CFAP92: variants seen among roughly 807,000 people sequenced by gnomAD.
CFAP92 encodes uncharacterized protein CFAP92.
CFAP92 carries 86 observed loss-of-function variants against 106.3 expected under a neutral mutation model. The ratio of observed to expected loss-of-function variants is 0.81; its 90% CI spans 0.68 to 0.97. The LOEUF is 0.97. Ranked by LOEUF, CFAP92 falls within the 50% of genes least tolerant of loss-of-function variation. The pLI, the probability that CFAP92 is intolerant of heterozygous loss-of-function variation, is 0.00. For missense variants in CFAP92, 1,204 were observed against 1,283.8 expected, an observed-to-expected ratio of 0.94 and a Z score of 0.95; for synonymous variants, 477 against 506.4, an observed-to-expected ratio of 0.94 and a Z score of 0.78.
Position 128,935,328 on chromosome 3 carries a change from G to A in CFAP92, c.2259-9C>T, listed in dbSNP as rs539638151. On this transcript the variant is annotated splice_polypyrimidine_tract_variant and intron_variant, in intron 10 of 15. Coordinates refer to ENST00000645291, the MANE Select transcript of CFAP92 (RefSeq NM_001394090.1). ...GTTCTGACCTGGGAATCCTGCAAGAGACAGAAGGCCAAGAGCTAACTTGCA... is the reference window on the plus strand; with the variant it reads ...GTTCTGACCTGGGAATCCTGCAAGAAACAGAAGGCCAAGAGCTAACTTGCA... 59 of 1,490,406 alleles carry A rather than the reference G, an allele frequency of 4.0e-5. No homozygotes were observed. The African/African-American group carries it at 7.5e-4, about 19-fold the overall frequency. The allele number at this position is 1,490,406 out of a possible 1,614,324, so 92.3% of individuals were successfully genotyped here.
At chr3:128,978,969 C>T (rs1420389621) in intron 4 of CFAP92, among the ~76,000 whole-genome samples, 1 of 152,126 alleles carries the variant, frequency 6.6e-6, no homozygotes, top group Non-Finnish European at 1.5e-5. Flanking sequence ...TCTAATTAAA[C>T]TAAAGAGCTT....
intron 12 of CFAP92, among the ~76,000 whole-genome samples, chr3:128,923,526 G>A (rs562107269): frequency 6.6e-6 from 1 of 152,336 alleles, no homozygotes; most frequent in African/African-American, 2.4e-5. Context: ...AGAAGTTGCA[G>A]AAGATGGACC....
intron 9 of CFAP92, among the ~76,000 whole-genome samples, chr3:128,958,027 G>T (rs1289358931): frequency 6.6e-6 from 1 of 152,094 alleles, no homozygotes; most frequent in Non-Finnish European, 1.5e-5. Flanking sequence ...CGTTCTCTGT[G>T]TGTCACTTTG....
chr3:128,980,222 C>T (rs1943441112), intron 4 of CFAP92, among the ~76,000 whole-genome samples: 1 of 151,508 alleles, frequency 6.6e-6, no homozygotes, highest in African/African-American at 2.4e-5. Context: ...AGAAAAATAG[C>T]TGGGCATGGT....
chr3:128,935,217 C>T lies in CFAP92; in HGVS notation c.2361G>A (p.Val787=). 1.3e-6 allele frequency: 2 copies of T among 1,536,046 alleles called. No homozygotes were observed. Among genetic ancestry groups the T allele is most frequent in the Non-Finnish European group, 1.7e-6 (2 of 1,146,828 alleles). Reference sequence around the variant, plus strand: ...GCAGCTCCGTGGGCTGGAAGAGGTGCACGTGGTACAGGATGGCCTCCAGGT... The same window carrying T: ...GCAGCTCCGTGGGCTGGAAGAGGTGTACGTGGTACAGGATGGCCTCCAGGT... The part of the protein sequence containing the change: ...YGDLEAILYH[V]HLFQPTELLL... Residue 787 remains valine, a synonymous_variant, in exon 11 of 16, where the codon GTG becomes GTA. Coordinates refer to ENST00000645291, the MANE Select transcript of CFAP92 (RefSeq NM_001394090.1).
chr3:128,953,620 CCTCCCTCTCCGTCTCCCTCTCCCCACGG>C (rs1941062917), intron 9 of CFAP92, among the ~76,000 whole-genome samples: 14 of 119,514 alleles, frequency 1.2e-4, no homozygotes, highest in Admixed American at 4.7e-4. Context: ...TCTCCCTCTC[CCTCCCTCTCCGTCTCCCTCTCCCCACGG>C]TCTCCCTCTC....
At chr3:128,948,790 A>G (rs1197585047) in intron 9 of CFAP92, among the ~76,000 whole-genome samples, 1 of 151,978 alleles carries the variant, frequency 6.6e-6, no homozygotes, top group African/African-American at 2.4e-5. Context: ...TTAGCCTCCC[A>G]AAGTGTTGGG....
chr3:128,957,072 C>A (rs1247469816), intron 9 of CFAP92, among the ~76,000 whole-genome samples: 1 of 150,688 alleles, frequency 6.6e-6, no homozygotes, highest in African/African-American at 2.4e-5. Flanking sequence ...AATAAAAACA[C>A]CCTGAGACAA....
the CFAP92 span, among the ~76,000 whole-genome samples, chr3:129,024,987 G>A: frequency 6.6e-6 from 1 of 152,176 alleles, no homozygotes; most frequent in African/African-American, 2.4e-5. Flanking sequence ...TCAAGTGGGT[G>A]ATGGCACACT....
intron 10 of CFAP92, among the ~76,000 whole-genome samples, chr3:128,938,381 T>C (rs1271729765): frequency 6.6e-6 from 1 of 151,676 alleles, no homozygotes. Context: ...CTCAGACCCA[T>C]AAAGGACATC....
At chr3:129,003,957 A>C (rs980510579), upstream of CFAP92, 2 of 1,434,246 alleles carry the variant, frequency 1.4e-6, no homozygotes, top group Non-Finnish European at 1.8e-6. Context: ...CGCGCGGAGG[A>C]GGCCCGGCAG....
intron 12 of CFAP92, among the ~76,000 whole-genome samples, chr3:128,924,312 C>T (rs35216064): frequency 0.14 from 21,929 of 152,004 alleles, 1,648 homozygotes; most frequent in Middle Eastern, 0.16. Flanking sequence ...GGCACAAAAC[C>T]CCTCATGGCT....
rs1388444450 is a variant in CFAP92 at position 128,988,711 on chromosome 3, C to T, written c.453+17G>A. 2 of 1,612,546 alleles carry T rather than the reference C, an allele frequency of 1.2e-6. No homozygotes were observed. Among genetic ancestry groups the T allele is most frequent in the South Asian group, 1.1e-5 (1 of 90,966 alleles). Reference sequence around the variant, plus strand: ...GCATCAGACCATACACAAGGCCACACACACTCACACACGCACCTTTACTCC... The same window carrying T: ...GCATCAGACCATACACAAGGCCACATACACTCACACACGCACCTTTACTCC... On this transcript the variant is annotated intron_variant, in intron 3 of 15. Transcript: ENST00000645291.
At chr3:128,976,853 TAA>T (rs1943189261) in intron 6 of CFAP92, 124 bp downstream of exon 6, 1 of 731,000 alleles carries the variant, frequency 1.4e-6, no homozygotes, top group Non-Finnish European at 2.4e-6. Context: ...CCTGTTAGCT[TAA>T]GTTAGCCTGG....
chr3:128,913,680 C>A lies in CFAP92; in HGVS notation c.3280+1439G>T, dbSNP rs774576969. ...GAGACTGGGAACTTGGAGAGCTGAG[C>A]TGGCTGAGTGGGGCTGGCCTGAGCA... On this transcript the variant is annotated intron_variant, in intron 15 of 15. Coordinates refer to ENST00000645291, the MANE Select transcript of CFAP92 (RefSeq NM_001394090.1). 9.8e-4 allele frequency among the ~76,000 whole-genome samples: 149 copies of A among 152,124 alleles called. 3 individuals are homozygous for A. The highest frequency in any genetic ancestry group is 2.5e-4 in the Non-Finnish European group (17 of 68,038).
chr3:128,993,504 T>C (rs1352991913), intron 1 of CFAP92, 168 bp from the exon 2 acceptor site: 72 of 652,780 alleles, frequency 1.1e-4, no homozygotes, highest in Non-Finnish European at 7.8e-6. Context: ...CGGTACTCAA[T>C]CGACTTAGAG....
chr3:128,957,876 T>C (rs1941567031), intron 9 of CFAP92, among the ~76,000 whole-genome samples: 2 of 152,174 alleles, frequency 1.3e-5, no homozygotes, highest in Admixed American at 1.3e-4. Context: ...CTCCCTGTTC[T>C]GAGGCTAGAA....
the CFAP92 span, among the ~76,000 whole-genome samples, chr3:129,009,519 C>T: frequency 6.6e-5 from 10 of 152,274 alleles, no homozygotes; most frequent in Middle Eastern, 6.8e-3. Context: ...CATGTTCATC[C>T]CTGAATTCAT....
In CFAP92 at chr3:128,909,894, GTGTTA is replaced by G; in HGVS notation, c.*400_*404del. 1 of 1,296,204 alleles carries G rather than the reference GTGTTA, an allele frequency of 7.7e-7. No individual in the cohort carries two copies. Among genetic ancestry groups the G allele is most frequent in the Non-Finnish European group, 1.1e-6 (1 of 913,054 alleles). 80.3% of individuals were successfully genotyped at this position (1,296,204 alleles called of 1,614,324 possible). ...GTTCTCCCACAACCTGAAGAGAAAG[GTGTTA>G]TTGACTCCACTTTCTCAAGGAACAC... On this transcript the variant is annotated 3_prime_UTR_variant, in exon 16 of 16. Coordinates refer to ENST00000645291, the MANE Select transcript of CFAP92 (RefSeq NM_001394090.1).
Sources: allele counts gnomAD v4.1 joint callset (sites outside exome capture counted in the v4.1 genomes callset), GRCh38; gene constraint gnomAD v4.1.1; transcripts MANE v1.5; gene names NCBI Gene and HGNC (gene_info 2026-07-23, HGNC 2026-07-21).